The following OASL variants were observed in gnomAD, a reference collection of about 807,000 sequenced individuals.
OASL encodes 2'-5'-oligoadenylate synthetase like.
In OASL, 28 loss-of-function variants were observed where a neutral mutation model predicts 35.3. That is an observed-to-expected ratio of 0.79 (90% CI 0.59 to 1.09). The LOEUF is 1.09. OASL is among the 50% of genes least tolerant of loss of function. The probability of loss-of-function intolerance (pLI) is 0.00; values close to 1 mark genes in which losing one functional copy is unlikely to be tolerated. For missense variants in OASL, 620 were observed against 635.2 expected (o/e 0.98, Z 0.26); for synonymous variants, 252 against 254.6 (o/e 0.99, Z 0.10).
At chr12:121,027,769 G>A (rs1466937418) in exon 4 of OASL, 1 of 1,614,182 alleles carries the variant, frequency 6.2e-7, no homozygotes, top group Admixed American at 1.7e-5. Context: ...AGAAGTTCAA[G>A]AGCATAGAGA....
chr12:121,021,823 AAAAAAG>A (rs1380919324), intron 5 of OASL, among the ~76,000 whole-genome samples: 2 of 152,218 alleles, frequency 1.3e-5, no homozygotes, highest in Admixed American at 6.5e-5. Flanking sequence ...AAGGAAAACA[AAAAAAG>A]AAAAAGAAAA....
chr12:121,033,069 C>T (rs1028217518), intron 2 of OASL, among the ~76,000 whole-genome samples: 16 of 151,978 alleles, frequency 1.1e-4, no homozygotes, highest in African/African-American at 1.7e-4. Flanking sequence ...GGATTACAGG[C>T]GCCCACCACC....
At chr12:121,038,820 C>A in exon 1 of OASL, 1 of 1,614,124 alleles carries the variant, frequency 6.2e-7, no homozygotes, top group Non-Finnish European at 8.5e-7. Flanking sequence ...CCCACGCTTC[C>A]CCTGGAAATG....
chr12:121,022,189 C>T (rs994756562), intron 5 of OASL, among the ~76,000 whole-genome samples: 2 of 149,368 alleles, frequency 1.3e-5, no homozygotes, highest in African/African-American at 4.9e-5. Flanking sequence ...CAGGTTCAAG[C>T]GATTCTCCTG....
intron 1 of OASL, among the ~76,000 whole-genome samples, chr12:121,034,529 T>C (rs1036046656): frequency 6.6e-6 from 1 of 152,130 alleles, no homozygotes; most frequent in Admixed American, 6.6e-5. Context: ...ATCTACTCCA[T>C]AGGGTTGTTT....
At chr12:121,031,330 T>C in intron 3 of OASL, 112 bp downstream of exon 3, 1 of 1,026,596 alleles carries the variant, frequency 9.7e-7, no homozygotes, top group Non-Finnish European at 1.4e-6. Context: ...TCTCCCTCTC[T>C]ACCTGCTTCC....
chr12:121,031,716 C>A, intron 2 of OASL, 99 bp from the exon 3 acceptor site: 1 of 995,510 alleles, frequency 1.0e-6, no homozygotes, highest in Admixed American at 2.0e-5. Flanking sequence ...TTGGAAGTAT[C>A]CCTCCAGGGA....
chr12:121,026,258 C>T (rs1869479171), intron 4 of OASL, among the ~76,000 whole-genome samples: 1 of 152,132 alleles, frequency 6.6e-6, no homozygotes, highest in Admixed American at 6.5e-5. Context: ...ATAATAAATC[C>T]TCTTTTCATG....
intron 1 of OASL, among the ~76,000 whole-genome samples, chr12:121,036,882 G>C (rs1869977498): frequency 6.6e-6 from 1 of 152,176 alleles, no homozygotes. Context: ...TGCACCACTG[G>C]CTTGGTGAGG....
chr12:121,023,287 C>CTTTTTT (rs768266698), intron 5 of OASL, among the ~76,000 whole-genome samples: 4 of 123,276 alleles, frequency 3.2e-5, no homozygotes, highest in Non-Finnish European at 3.4e-5. Context: ...TTTTTTTTTT[C>CTTTTTT]TTTTTTTCTT....
intron 2 of OASL, among the ~76,000 whole-genome samples, chr12:121,032,296 C>G (rs1431632092): frequency 2.0e-5 from 3 of 152,158 alleles, no homozygotes; most frequent in African/African-American, 7.2e-5. Flanking sequence ...AAAATCAGAT[C>G]CTGTCTCTTA....
At chr12:121,027,859 G>C in intron 3 of OASL, 42 bp from the exon 4 acceptor site, 1 of 1,553,052 alleles carries the variant, frequency 6.4e-7, no homozygotes, top group Non-Finnish European at 8.9e-7. Flanking sequence ...GAGACCCTAA[G>C]ATTCTGTGTA....
chr12:121,033,961 G>C (rs1038828058), intron 1 of OASL, among the ~76,000 whole-genome samples: 1 of 152,152 alleles, frequency 6.6e-6, no homozygotes, highest in African/African-American at 2.4e-5. Context: ...AAAAGATCTT[G>C]ACACTTCCCT....
chr12:121,036,915 A>G lies in OASL; in HGVS notation c.198+1859T>C, dbSNP rs865895719. 3.6e-4 allele frequency among the ~76,000 whole-genome samples: 55 copies of G among 152,324 alleles called. 1 individual carries two copies. The highest frequency in any genetic ancestry group is 3.4e-3 in the Middle Eastern group (1 of 294). Reference sequence around the variant, plus strand: ...AGGGAGAGATGATGATGATGCCCCAATCACAGATGAAAAGAATGTGGGTTT... The same window carrying G: ...AGGGAGAGATGATGATGATGCCCCAGTCACAGATGAAAAGAATGTGGGTTT... On this transcript the variant is annotated intron_variant, in intron 1 of 5. Coordinates refer to ENST00000257570, the Ensembl canonical transcript of OASL.
At chr12:121,039,200 C>T (rs1424342735) in exon 1 of OASL, 9 of 554,216 alleles carry the variant, frequency 1.6e-5, no homozygotes, top group African/African-American at 1.3e-4. Context: ...TGGGCTGAGG[C>T]TGGAATATCT....
intron 1 of OASL, 23 bp from the exon 2 acceptor site, chr12:121,033,766 A>G: frequency 1.9e-6 from 3 of 1,603,914 alleles, no homozygotes; most frequent in Non-Finnish European, 2.6e-6. Context: ...GAGCCCCGTC[A>G]CCCTGAGGCC....
At chr12:121,023,997 T>G in exon 5 of OASL, 1 of 1,614,098 alleles carries the variant, frequency 6.2e-7, no homozygotes, top group Non-Finnish European at 8.5e-7. Flanking sequence ...TACCTTCACG[T>G]TCCAGCTGGA....
intron 1 of OASL, among the ~76,000 whole-genome samples, chr12:121,037,028 A>G (rs1869981977): frequency 6.6e-6 from 1 of 152,096 alleles, no homozygotes; most frequent in Admixed American, 6.5e-5. Flanking sequence ...GTGGTTTCTC[A>G]CTTATAAATT....
At chr12:121,032,494 C>T (rs1415876914) in intron 2 of OASL, among the ~76,000 whole-genome samples, 4 of 152,218 alleles carry the variant, frequency 2.6e-5, no homozygotes, top group Non-Finnish European at 4.4e-5. Flanking sequence ...CAACCAGTGA[C>T]GGCTGGGAAG....
Sources: gnomAD v4.1 joint callset for allele counts (sites outside exome capture counted in the v4.1 genomes callset) on GRCh38, gnomAD v4.1.1 for gene constraint, MANE v1.5 for transcripts, NCBI Gene and HGNC (gene_info 2026-07-23, HGNC 2026-07-21) for gene names.